The following VIT variants were observed in gnomAD, a reference collection of about 807,000 sequenced individuals.
VIT encodes the protein vitrin.
VIT carries 99 observed loss-of-function variants against 78.0 expected under a neutral mutation model. The observed-to-expected ratio is 1.27, with a 90% CI of 1.08 to 1.50. VIT has a LOEUF of 1.50. VIT is among the 40% of genes most tolerant of loss of function. VIT has a pLI of 0.00. For missense variants in VIT, 1,126 were observed against 875.3 expected, an observed-to-expected ratio of 1.29 and a Z score of -3.61; for synonymous variants, 374 against 334.3, an observed-to-expected ratio of 1.12 and a Z score of -1.29.
chr2:36,795,043 C>T (rs1284979434), intron 12 of VIT, among the ~76,000 whole-genome samples: 2 of 152,098 alleles, frequency 1.3e-5, no homozygotes, highest in Admixed American at 1.3e-4. Context: ...AGCTTCCTTT[C>T]TTCCATTTGT....
At chr2:36,730,079 T>G (rs1040015194) in intron 3 of VIT, among the ~76,000 whole-genome samples, 1 of 152,122 alleles carries the variant, frequency 6.6e-6, no homozygotes, top group Admixed American at 6.5e-5. Context: ...GCGGATCACT[T>G]GAAGTCAGGA....
chr2:36,705,714 C>G (rs1051677820), intron 1 of VIT, among the ~76,000 whole-genome samples: 2 of 152,150 alleles, frequency 1.3e-5, no homozygotes, highest in African/African-American at 2.4e-5. Flanking sequence ...CTAGTTATCA[C>G]AAAAGTACAT....
At chr2:36,797,767 G>C (rs1192410466) in intron 12 of VIT, among the ~76,000 whole-genome samples, 1 of 152,170 alleles carries the variant, frequency 6.6e-6, no homozygotes, top group African/African-American at 2.4e-5. Flanking sequence ...TGCATGATGG[G>C]GCTAGCACCC....
rs372065105 is a variant in VIT at position 36,748,003 on chromosome 2, G to A, written c.275+4747G>A. Among the ~76,000 whole-genome samples, 32 of 152,250 alleles carry A rather than the reference G, an allele frequency of 2.1e-4. No individual in the cohort carries two copies. The East Asian group carries it at 2.1e-3, about 10-fold the overall frequency. On this transcript the variant is annotated intron_variant, in intron 4 of 15. Transcript: ENST00000379242. ...TATGAAGCTTAGCTTGGCAGAATAC[G>A]AAATTTTTGTTGGGATTTCTTTTCT... is the stretch of plus-strand genomic sequence containing the variant.
chr2:36,777,238 T>C (rs942231313), intron 9 of VIT, among the ~76,000 whole-genome samples: 5 of 151,626 alleles, frequency 3.3e-5, no homozygotes, highest in African/African-American at 1.2e-4. Flanking sequence ...TCGTACAAAC[T>C]AAAGGTCTTT....
chr2:36,757,426 A>T (rs1277622164), intron 5 of VIT, among the ~76,000 whole-genome samples: 1 of 151,494 alleles, frequency 6.6e-6, no homozygotes, highest in Non-Finnish European at 1.5e-5. Flanking sequence ...ATTTCAGGGA[A>T]CTGAGCTCAT....
At chr2:36,716,269 T>C in intron 1 of VIT, 84 bp from the exon 2 acceptor site, 1 of 1,092,600 alleles carries the variant, frequency 9.2e-7, no homozygotes, top group Admixed American at 1.9e-5. Flanking sequence ...TGCAAAATGA[T>C]GCAGTCTATC....
chr2:36,727,628 A>G (rs1666934018), intron 2 of VIT, among the ~76,000 whole-genome samples: 2 of 152,252 alleles, frequency 1.3e-5, no homozygotes, highest in Admixed American at 1.3e-4. Flanking sequence ...AGGGGCTGAG[A>G]AAAGTATACA....
chr2:36,742,315 G>A (rs1217616361), intron 3 of VIT, among the ~76,000 whole-genome samples: 1 of 152,192 alleles, frequency 6.6e-6, no homozygotes, highest in Non-Finnish European at 1.5e-5. Flanking sequence ...GATGAAGTGA[G>A]GCTGGCAGTA....
intron 12 of VIT, among the ~76,000 whole-genome samples, chr2:36,794,958 G>A (rs561088048): frequency 3.0e-4 from 46 of 152,146 alleles, no homozygotes; most frequent in Non-Finnish European, 4.7e-4. Flanking sequence ...TAGAAGCAAG[G>A]GGTGGTCAGT....
In VIT at chr2:36,699,804, G is replaced by A. The variant is rs187892726; in HGVS notation, c.-19+2831G>A. On this transcript the variant is annotated intron_variant, in intron 1 of 15. Transcript: ENST00000379242. ...AGAATGTCAAATGCCTTAATTTAAA[G>A]CCTTACATGCGAGGTCAAGGCAAAA... Among the ~76,000 whole-genome samples, 5 of 152,220 alleles carry A rather than the reference G, an allele frequency of 3.3e-5. No individual in the cohort carries two copies. The East Asian group carries it at 9.7e-4, about 29-fold the overall frequency.
At chr2:36,779,644 G>C (rs1192191523) in intron 9 of VIT, among the ~76,000 whole-genome samples, 2 of 152,026 alleles carry the variant, frequency 1.3e-5, no homozygotes, top group Non-Finnish European at 2.9e-5. Flanking sequence ...CCCTCCAACA[G>C]GCCCCAGTAC....
intron 14 of VIT, 76 bp from the exon 15 acceptor site, chr2:36,808,396 C>G: frequency 6.6e-7 from 1 of 1,507,482 alleles, no homozygotes; most frequent in South Asian, 1.4e-5. Flanking sequence ...TCACCTGCCC[C>G]GGGGGATCAA....
Position 36,787,872 on chromosome 2 carries a change from G to T in VIT, c.1058+596G>T. The T allele has an allele frequency of 6.6e-6, 3 of 454,320 alleles. No individual in the cohort carries two copies. In the Middle Eastern group the frequency reaches 9.8e-4, roughly 148 times the overall value. 28.1% of individuals were successfully genotyped at this position (454,320 alleles called of 1,614,324 possible). On this transcript the variant is annotated intron_variant, in intron 12 of 15. Transcript: ENST00000379242. Reference sequence around the variant, plus strand: ...GAGACGGCCCCCATCAGTCAGCTGAGCACCTAGATGACTTTCGCCAACCTG... The same window carrying T: ...GAGACGGCCCCCATCAGTCAGCTGATCACCTAGATGACTTTCGCCAACCTG...
chr2:36,765,616 G>A (rs891546353), intron 6 of VIT, among the ~76,000 whole-genome samples: 3 of 152,142 alleles, frequency 2.0e-5, no homozygotes, highest in African/African-American at 4.8e-5. Context: ...GTGGGGACAC[G>A]GACCCAAACC....
chr2:36,738,913 T>C lies in VIT; in HGVS notation c.119-4187T>C, dbSNP rs144262404. The stretch of plus-strand genomic sequence containing the variant: ...AGATTCAATGTGATCAAAGATTGTT[T>C]AAGAAAAATGGATAAGAATGCTTTG... On this transcript the variant is annotated intron_variant, in intron 3 of 15. Transcript: ENST00000379242. Among the ~76,000 whole-genome samples the C allele has an allele frequency of 2.8e-4, 42 of 152,232 alleles. 1 individual carries two copies. The East Asian group carries it at 7.5e-3, about 27-fold the overall frequency.
Position 36,808,547 on chromosome 2 carries a change from C to T in VIT, c.1465C>T (p.Leu489=). 6.2e-7 allele frequency: 1 copy of T among 1,614,130 alleles called. No homozygotes were observed. Residue 489 remains leucine (L), a synonymous_variant, in exon 15 of 16, where the codon CTG becomes TTG. Coordinates refer to ENST00000379242, the MANE Select transcript of VIT (RefSeq NM_053276.4). ...TGGCCTCCACAAGACCCTGCAGCCT[C>T]TGGTGAAGCGGGTCTGCGACACTGA... ...WFGLHKTLQP[L]VKRVCDTDRL... is the part of the protein sequence containing the mutation.
chr2:36,772,115 G>A (rs1364649177), intron 7 of VIT, among the ~76,000 whole-genome samples: 1 of 152,116 alleles, frequency 6.6e-6, no homozygotes, highest in African/African-American at 2.4e-5. Context: ...AGAAAATAAG[G>A]CTGCTTTGAG....
At chr2:36,698,755 C>G (rs1361489127) in intron 1 of VIT, among the ~76,000 whole-genome samples, 1 of 152,008 alleles carries the variant, frequency 6.6e-6, no homozygotes, top group Non-Finnish European at 1.5e-5. Flanking sequence ...ACCAGCCTGG[C>G]CAACATGGTG....
Sources: allele counts gnomAD v4.1 joint callset (sites outside exome capture counted in the v4.1 genomes callset), GRCh38; gene constraint gnomAD v4.1.1; transcripts MANE v1.5; gene names NCBI Gene and HGNC (gene_info 2026-07-23, HGNC 2026-07-21).